Variants in DGLUCY observed in about 807,000 individuals in gnomAD.
DGLUCY encodes D-glutamate cyclase.
A neutral mutation model predicts 58.5 loss-of-function variants in DGLUCY; 58 were observed. The observed-to-expected ratio is 0.99, with a 90% CI of 0.80 to 1.23. The LOEUF is 1.23. Ranked by LOEUF, DGLUCY falls within the 50% of genes most tolerant of loss-of-function variation. DGLUCY has a pLI of 0.00. For missense variants in DGLUCY, 779 were observed against 784.7 expected (o/e 0.99, Z 0.09); for synonymous variants, 325 against 314.1 (o/e 1.03, Z -0.37).
chr14:91,213,416 C>T (rs1886017750), intron 12 of DGLUCY, among the ~76,000 whole-genome samples: 1 of 151,486 alleles, frequency 6.6e-6, no homozygotes, highest in South Asian at 2.1e-4. Flanking sequence ...GCATGGGCAA[C>T]AGAGCAAGAC....
chr14:91,205,243 A>T (rs1226306158), intron 12 of DGLUCY, among the ~76,000 whole-genome samples: 2 of 152,174 alleles, frequency 1.3e-5, no homozygotes, highest in East Asian at 3.8e-4. Flanking sequence ...CTGTGCTTTT[A>T]TCTGCATGAA....
chr14:91,089,059 T>G (rs997980565), intron 1 of DGLUCY, among the ~76,000 whole-genome samples: 5 of 152,184 alleles, frequency 3.3e-5, no homozygotes, highest in African/African-American at 1.2e-4. Flanking sequence ...CTGAAGGAAT[T>G]GTCCATTCCG....
At chr14:91,176,636 G>A (rs894430333) in intron 7 of DGLUCY, among the ~76,000 whole-genome samples, 1 of 152,104 alleles carries the variant, frequency 6.6e-6, no homozygotes, top group African/African-American at 2.4e-5. Context: ...GTCTCACTCT[G>A]TCGCCCAGGC....
chr14:91,218,563 C>CGGCT (rs1323783811), intron 13 of DGLUCY, among the ~76,000 whole-genome samples: 1 of 151,802 alleles, frequency 6.6e-6, no homozygotes, highest in Non-Finnish European at 1.5e-5. Flanking sequence ...CCACCACACC[C>CGGCT]GGCTAATTTT....
chr14:91,184,292 C>A (rs1053192916), intron 8 of DGLUCY, among the ~76,000 whole-genome samples: 2 of 151,842 alleles, frequency 1.3e-5, no homozygotes, highest in Non-Finnish European at 2.9e-5. Flanking sequence ...CCTAGAAATA[C>A]CTAATTCTTG....
chr14:91,205,655 C>T (rs1347250121), intron 12 of DGLUCY, among the ~76,000 whole-genome samples: 2 of 151,982 alleles, frequency 1.3e-5, no homozygotes, highest in African/African-American at 2.4e-5. Flanking sequence ...TGCCTCTGGG[C>T]GTTCAACCAA....
intron 1 of DGLUCY, among the ~76,000 whole-genome samples, chr14:91,097,654 G>T (rs1014826125): frequency 6.6e-6 from 1 of 150,600 alleles, no homozygotes; most frequent in Non-Finnish European, 1.5e-5. Flanking sequence ...TCTACTTGGC[G>T]ATCAAGGACC....
At chr14:91,150,822 T>C (rs898389549) in intron 1 of DGLUCY, among the ~76,000 whole-genome samples, 4 of 152,220 alleles carry the variant, frequency 2.6e-5, no homozygotes, top group Admixed American at 6.5e-5. Flanking sequence ...CAGTTTACCA[T>C]TTTAATCATT....
chr14:91,113,440 C>T (rs897615918), upstream of DGLUCY, among the ~76,000 whole-genome samples: 8 of 152,186 alleles, frequency 5.3e-5, no homozygotes, highest in African/African-American at 1.9e-4. Context: ...AAATCATGGT[C>T]ATAGTTACTA....
chr14:91,163,681 C>T (rs2048117493), intron 3 of DGLUCY, among the ~76,000 whole-genome samples: 1 of 152,202 alleles, frequency 6.6e-6, no homozygotes, highest in Admixed American at 6.5e-5. Flanking sequence ...ATGAGGCAAG[C>T]TCGCGGGCAC....
chr14:91,124,502 A>C (rs1347629219), intron 1 of DGLUCY, among the ~76,000 whole-genome samples: 2 of 152,200 alleles, frequency 1.3e-5, no homozygotes, highest in Non-Finnish European at 2.9e-5. Context: ...TGTGAATGGC[A>C]TGGCTTTTTT....
chr14:91,167,226 G>C lies in DGLUCY; in HGVS notation c.105G>C (p.Glu35Asp), dbSNP rs1229540039. Residue 35 changes from glutamate to aspartate, a missense_variant and splice_region_variant, in exon 4 of 14, where the codon GAG becomes GAC. Physicochemically the swap from Glu to Asp is conservative, Grantham distance 45. Transcript: ENST00000256324. ...TTTCCCTTCTCCCACCATACCCAGA[G>C]CTCCGACCAGCCAGCCTGGTGGTCC... ...NIRNTSSMAG[E>D]LRPASLVVLP... 4.4e-6 allele frequency: 7 copies of C among 1,586,884 alleles called. No individual in the cohort carries two copies. The highest frequency in any genetic ancestry group is 1.8e-4 in the Middle Eastern group (1 of 5,588).
intron 5 of DGLUCY, among the ~76,000 whole-genome samples, chr14:91,172,353 A>G (rs781402434): frequency 1.3e-5 from 2 of 152,154 alleles, no homozygotes; most frequent in African/African-American, 2.4e-5. Context: ...TGCTGGTATT[A>G]CAGGCATGAA....
chr14:91,111,200 ATATGTGTGTGTGTGTG>A (rs1288958420), upstream of DGLUCY, among the ~76,000 whole-genome samples: 86 of 79,150 alleles, frequency 1.1e-3, no homozygotes, highest in African/African-American at 2.8e-3. Flanking sequence ...TTATTTATAT[ATATGTGTGTGTGTGTG>A]TGTGTGTGTG....
chr14:91,093,447 G>A (rs550205628), intron 1 of DGLUCY, among the ~76,000 whole-genome samples: 1 of 152,238 alleles, frequency 6.6e-6, no homozygotes, highest in South Asian at 2.1e-4. Flanking sequence ...CTATAAAAAG[G>A]AATTGAAGAC....
chr14:91,063,595 C>G (rs1299087667), intron 1 of DGLUCY, among the ~76,000 whole-genome samples: 3 of 152,244 alleles, frequency 2.0e-5, no homozygotes, highest in Non-Finnish European at 4.4e-5. Context: ...AAAGCATAAT[C>G]TAGCCTTATA....
At chr14:91,215,609 G>A (rs763264475) in intron 13 of DGLUCY, 53 bp downstream of exon 13, 26 of 1,610,476 alleles carry the variant, frequency 1.6e-5, no homozygotes, top group Non-Finnish European at 1.6e-5. Flanking sequence ...CCCTGGATGA[G>A]CAGCAGGCCT....
chr14:91,149,199 A>G (rs1188265596), intron 1 of DGLUCY, among the ~76,000 whole-genome samples: 2 of 151,474 alleles, frequency 1.3e-5, no homozygotes, highest in African/African-American at 4.9e-5. Context: ...GTGAGCCGAG[A>G]TGGTGCCATT....
At chr14:91,145,040 C>T (rs2046939413) in intron 1 of DGLUCY, among the ~76,000 whole-genome samples, 1 of 152,018 alleles carries the variant, frequency 6.6e-6, no homozygotes, top group Non-Finnish European at 1.5e-5. Flanking sequence ...TATTATAGAG[C>T]CTAATCCTTT....
Sources: allele counts gnomAD v4.1 joint callset (sites outside exome capture counted in the v4.1 genomes callset), GRCh38; gene constraint gnomAD v4.1.1; transcripts MANE v1.5; gene names NCBI Gene and HGNC (gene_info 2026-07-23, HGNC 2026-07-21).